Variants in WWOX observed in about 807,000 individuals in gnomAD.
The protein encoded by WWOX is WW domain containing oxidoreductase.
WWOX carries 69 observed loss-of-function variants against 46.2 expected under a neutral mutation model. That is an observed-to-expected ratio of 1.49 (90% CI 1.23 to 1.82). The LOEUF (loss-of-function observed/expected upper bound fraction) is 1.82, where lower values mean the gene tolerates loss of function less well. Among genes scored for constraint, WWOX ranks in the 40% most tolerant of loss-of-function variants. The pLI, the probability that WWOX is intolerant of heterozygous loss-of-function variation, is 0.00. For missense variants in WWOX, 919 were observed against 542.6 expected, an observed-to-expected ratio of 1.69 and a Z score of -6.89; for synonymous variants, 359 against 202.6, an observed-to-expected ratio of 1.77 and a Z score of -6.56.
intron 8 of WWOX, among the ~76,000 whole-genome samples, chr16:78,790,174 T>C (rs2050558123): frequency 6.6e-6 from 1 of 152,194 alleles, no homozygotes; most frequent in African/African-American, 2.4e-5. Flanking sequence ...TCTTGCTCTG[T>C]TGCCCGGGCT....
At chr16:79,203,483 C>CGG (rs1288339011) in intron 8 of WWOX, 2 of 148,492 alleles carry the variant, frequency 1.3e-5, no homozygotes, top group Non-Finnish European at 3.0e-5. Context: ...GTGGCCCCAG[C>CGG]GGAGACCTTG....
At chr16:78,704,916 A>G (rs934857907) in intron 8 of WWOX, among the ~76,000 whole-genome samples, 4 of 112,690 alleles carry the variant, frequency 3.5e-5, no homozygotes, top group African/African-American at 1.2e-4. Context: ...CTAAAATACA[A>G]CTTGTTTTTT....
intron 8 of WWOX, among the ~76,000 whole-genome samples, chr16:78,822,383 A>C (rs1051090236): frequency 2.0e-5 from 3 of 152,134 alleles, no homozygotes; most frequent in African/African-American, 7.2e-5. Context: ...AATCTTAGCT[A>C]CTCAAGAGGC....
chr16:79,043,089 G>C (rs912660570), intron 8 of WWOX, among the ~76,000 whole-genome samples: 1 of 152,116 alleles, frequency 6.6e-6, no homozygotes, highest in Non-Finnish European at 1.5e-5. Flanking sequence ...CATTTCCTCT[G>C]TGGTAGATGC....
intron 8 of WWOX, among the ~76,000 whole-genome samples, chr16:78,838,847 G>A (rs1443034691): frequency 1.3e-5 from 2 of 152,040 alleles, no homozygotes; most frequent in South Asian, 4.2e-4. Context: ...CATCTCAAAA[G>A]AGAAGAAAAG....
chr16:78,540,020 T>TCACACACACACA (rs71140810), intron 8 of WWOX, among the ~76,000 whole-genome samples: 7 of 132,848 alleles, frequency 5.3e-5, no homozygotes, highest in South Asian at 2.4e-4. Context: ...TCTCTCTCTC[T>TCACACACACACA]CACACACACA....
chr16:78,672,980 C>T (rs961122194), intron 8 of WWOX, among the ~76,000 whole-genome samples: 17 of 152,362 alleles, frequency 1.1e-4, no homozygotes, highest in East Asian at 1.9e-4. Context: ...GAGCCCCGGC[C>T]ACCGCCGCCG....
chr16:78,801,003 T>C (rs1324463043), intron 8 of WWOX, among the ~76,000 whole-genome samples: 3 of 152,154 alleles, frequency 2.0e-5, no homozygotes, highest in Admixed American at 2.0e-4. Flanking sequence ...TAATAGTTTA[T>C]TTATTTCATG....
intron 8 of WWOX, among the ~76,000 whole-genome samples, chr16:78,575,028 T>A (rs868401698): frequency 4.9e-3 from 10 of 2,052 alleles, no homozygotes; most frequent in East Asian, 0.018. Context: ...TATAAATATA[T>A]ATATATATAT....
chr16:78,311,737 G>C (rs1177763796), intron 5 of WWOX, among the ~76,000 whole-genome samples: 2 of 151,744 alleles, frequency 1.3e-5, no homozygotes, highest in African/African-American at 4.8e-5. Flanking sequence ...TTTTTTGAAG[G>C]AAGAAAAATG....
At chr16:78,494,596 A>G (rs892121276) in intron 8 of WWOX, among the ~76,000 whole-genome samples, 1 of 152,228 alleles carries the variant, frequency 6.6e-6, no homozygotes, top group Non-Finnish European at 1.5e-5. Context: ...TTTAAAGTCC[A>G]GGAGTCTTCT....
At chr16:78,869,377 T>C (rs1319571877) in intron 8 of WWOX, among the ~76,000 whole-genome samples, 1 of 152,202 alleles carries the variant, frequency 6.6e-6, no homozygotes, top group Non-Finnish European at 1.5e-5. Flanking sequence ...CTGTTTTTCC[T>C]ACTCAAAATG....
At position 78,869,027 on chromosome 16, in the gene WWOX, A is replaced by G. The variant is rs1473611945; in HGVS notation, c.1057-342581A>G. 3.9e-5 allele frequency among the ~76,000 whole-genome samples: 6 copies of G among 152,352 alleles called. No homozygotes were observed. In the East Asian group the frequency reaches 1.2e-3, roughly 29 times the overall value. On this transcript the variant is annotated intron_variant, in intron 8 of 8. Transcript: ENST00000566780. ...TCACAAAGGCCAAAGTTTTAAAGGA[A>G]GAAAATAAAAATCACCTGTAGTCCT...
chr16:79,095,960 C>A (rs2049060941), intron 8 of WWOX, among the ~76,000 whole-genome samples: 1 of 150,500 alleles, frequency 6.6e-6, no homozygotes, highest in Non-Finnish European at 1.5e-5. Context: ...AGTGATTTTC[C>A]CACCTCAGCC....
chr16:78,581,119 G>A lies in WWOX; in HGVS notation c.1056+148367G>A, dbSNP rs142660343. Among the ~76,000 whole-genome samples the A allele has an allele frequency of 9.7e-3, 1,468 of 151,548 alleles. 24 individuals carry two copies. Among genetic ancestry groups the A allele is most frequent in the African/African-American group, 0.033 (1,365 of 41,298 alleles). On this transcript the variant is annotated intron_variant, in intron 8 of 8. Transcript: ENST00000566780. ...TTATTTTCTGTTCTTAATCATTGTTGTATATCCTTAATGCGCAGGACATGA... is the reference window on the plus strand; with the variant it reads ...TTATTTTCTGTTCTTAATCATTGTTATATATCCTTAATGCGCAGGACATGA...
intron 5 of WWOX, among the ~76,000 whole-genome samples, chr16:78,364,205 T>G (rs1257420328): frequency 1.3e-5 from 2 of 152,200 alleles, no homozygotes; most frequent in East Asian, 1.9e-4. Context: ...ATATACTGAT[T>G]ACATTTTAGC....
At chr16:78,764,036 C>G (rs7198997) in intron 8 of WWOX, among the ~76,000 whole-genome samples, 116,783 of 151,928 alleles carry the variant, frequency 0.77, 45,315 homozygotes, top group Non-Finnish European at 0.82. Context: ...GCACCAGCTG[C>G]GTAGGATATG....
At chr16:78,854,391 A>G (rs1406157730) in intron 8 of WWOX, among the ~76,000 whole-genome samples, 1 of 152,232 alleles carries the variant, frequency 6.6e-6, no homozygotes, top group Non-Finnish European at 1.5e-5. Context: ...AATTATCATG[A>G]AACACATTCT....
intron 8 of WWOX, among the ~76,000 whole-genome samples, chr16:78,845,832 C>T (rs560288008): frequency 6.6e-6 from 1 of 152,178 alleles, no homozygotes; most frequent in South Asian, 2.1e-4. Context: ...AGACATGGAG[C>T]TGAGAGTGAA....
Sources: allele counts gnomAD v4.1 joint callset (sites outside exome capture counted in the v4.1 genomes callset), GRCh38; gene constraint gnomAD v4.1.1; transcripts MANE v1.5; gene names NCBI Gene and HGNC (gene_info 2026-07-23, HGNC 2026-07-21).